ATG2B: variants seen among roughly 807,000 people sequenced by gnomAD.
ATG2B encodes autophagy related 2B, also known as autophagy-related protein 2 homolog B.
Under a neutral mutation model 241.3 loss-of-function variants are expected in ATG2B, and 121 were observed. The ratio of observed to expected loss-of-function variants is 0.50; its 90% CI spans 0.43 to 0.58. The LOEUF (loss-of-function observed/expected upper bound fraction) is 0.58, where lower values mean the gene tolerates loss of function less well. Among genes scored for constraint, ATG2B ranks in the 20% least tolerant of loss-of-function variants. The probability of loss-of-function intolerance (pLI) is 0.00; values close to 1 mark genes in which losing one functional copy is unlikely to be tolerated. For missense variants in ATG2B, 2,306 were observed against 2,491.6 expected (o/e 0.93, Z 1.59); for synonymous variants, 858 against 876.6 (o/e 0.98, Z 0.37).
chr14:96,319,728 G>A (rs1887411136), intron 18 of ATG2B, among the ~76,000 whole-genome samples: 1 of 152,174 alleles, frequency 6.6e-6, no homozygotes, highest in Non-Finnish European at 1.5e-5. Flanking sequence ...TTGTATGTGG[G>A]AAATATGCAT....
At chr14:96,356,259 T>C (rs1296384593) in intron 1 of ATG2B, among the ~76,000 whole-genome samples, 1 of 152,136 alleles carries the variant, frequency 6.6e-6, no homozygotes, top group Non-Finnish European at 1.5e-5. Context: ...TACTATTTTA[T>C]ACCTACATTT....
At position 96,362,966 on chromosome 14, in the gene ATG2B, G is replaced by A; in HGVS notation, c.11C>T (p.Pro4Leu). 6.2e-7 allele frequency: 1 copy of A among 1,613,442 alleles called. No individual in the cohort carries two copies. The highest frequency in any genetic ancestry group is 8.5e-7 in the Non-Finnish European group (1 of 1,179,896). The change falls in exon 1 of 42, where the codon CCG (proline) becomes CTG (leucine). Residue 4 changes from proline to leucine, a missense_variant. This residue lies in a region of ATG2B where 1,927 missense variants were observed against 2,011.2 expected (regional missense o/e 0.96). Transcript: ENST00000359933. MPW[P>L]FSESIKKRAC... Reference sequence around the variant, plus strand: ...CCTCTTCTTGATGGACTCCGAAAACGGCCAAGGCATAGTGACTGCTGGCAG... The same window carrying A: ...CCTCTTCTTGATGGACTCCGAAAACAGCCAAGGCATAGTGACTGCTGGCAG...
At chr14:96,319,393 C>T (rs1404356269) in intron 18 of ATG2B, among the ~76,000 whole-genome samples, 1 of 152,088 alleles carries the variant, frequency 6.6e-6, no homozygotes, top group Non-Finnish European at 1.5e-5. Context: ...AATAGATGCT[C>T]AGTACATATT....
intron 31 of ATG2B, among the ~76,000 whole-genome samples, chr14:96,305,108 C>T (rs1447281659): frequency 6.6e-6 from 1 of 152,132 alleles, no homozygotes; most frequent in Non-Finnish European, 1.5e-5. Flanking sequence ...GAAGTCTGCC[C>T]CCTACAGGGA....
At position 96,341,516 on chromosome 14, in the gene ATG2B, A is replaced by G; in HGVS notation, c.924+6T>C. 4 of 1,564,208 alleles carry G rather than the reference A, an allele frequency of 2.6e-6. No individual in the cohort carries two copies. Among genetic ancestry groups the G allele is most frequent in the Non-Finnish European group, 1.7e-6 (2 of 1,155,482 alleles). Reference sequence around the variant, plus strand: ...TTTTACTACAGAAAGTGAAACAAACACTGACCTTAGCTCCAGGAAGCACTT... The same window carrying G: ...TTTTACTACAGAAAGTGAAACAAACGCTGACCTTAGCTCCAGGAAGCACTT... On this transcript the variant is annotated splice_donor_region_variant and intron_variant, in intron 6 of 41. Transcript: ENST00000359933.
Position 96,302,019 on chromosome 14 carries a change from G to C in ATG2B, c.5127C>G (p.Leu1709=), listed in dbSNP as rs1035826204. Residue 1709 remains leucine (L), a synonymous_variant, in exon 34 of 42, where the codon CTC becomes CTG. Coordinates refer to ENST00000359933, the MANE Select transcript of ATG2B (RefSeq NM_018036.7). ...CLRVSLMPLR[L]NIDQDALFFL... ...TCATGCTACAAACCTGGTCAATATT[G>C]AGGCGGAGCGGCATCAGCGACACTC... 1.9e-6 allele frequency: 3 copies of C among 1,613,646 alleles called. No homozygotes were observed. Among genetic ancestry groups the C allele is most frequent in the Non-Finnish European group, 2.5e-6 (3 of 1,179,716 alleles).
intron 31 of ATG2B, among the ~76,000 whole-genome samples, chr14:96,304,931 C>T (rs1475148081): frequency 6.6e-6 from 1 of 152,064 alleles, no homozygotes; most frequent in Non-Finnish European, 1.5e-5. Flanking sequence ...CTTTGGAAAC[C>T]CTTTATAGTC....
At chr14:96,291,312 A>C (rs1022558025) in intron 38 of ATG2B, among the ~76,000 whole-genome samples, 2 of 152,204 alleles carry the variant, frequency 1.3e-5, no homozygotes, top group African/African-American at 4.8e-5. Context: ...AGTAATTGCT[A>C]CTAAGAACTT....
chr14:96,311,213 C>G lies in ATG2B; in HGVS notation c.4065G>C (p.Ala1355=). The change falls in exon 28 of 42, where the codon GCG becomes GCC. Residue 1355 remains alanine (A), a synonymous_variant. Coordinates refer to ENST00000359933, the MANE Select transcript of ATG2B (RefSeq NM_018036.7). ...CAATGTACTGAATGAGATTCATTAA[C>G]GCAGCACAAGAGTCTGAGCACGTTC... ...HIRTCSDSCA[A]LMNLIQYIAS... 1 of 1,613,958 alleles carries G rather than the reference C, an allele frequency of 6.2e-7. No individual in the cohort carries two copies. Among genetic ancestry groups the G allele is most frequent in the Non-Finnish European group, 8.5e-7 (1 of 1,179,912 alleles).
At position 96,310,508 on chromosome 14, in the gene ATG2B, G is replaced by A. The variant is rs375546637; in HGVS notation, c.4161+609C>T. On this transcript the variant is annotated intron_variant, in intron 28 of 41. Coordinates refer to ENST00000359933, the MANE Select transcript of ATG2B (RefSeq NM_018036.7). ...ATTTGGACATAAGAGAAGTTAGAAAGGTGACACTTGGGGCAGAAAAGTGCA... is the reference window on the plus strand; with the variant it reads ...ATTTGGACATAAGAGAAGTTAGAAAAGTGACACTTGGGGCAGAAAAGTGCA... Among the ~76,000 whole-genome samples, 7 of 152,298 alleles carry A rather than the reference G, an allele frequency of 4.6e-5. No homozygotes were observed. In the South Asian group the frequency reaches 1.0e-3, roughly 23 times the overall value.
chr14:96,360,933 C>CA (rs35630598), intron 1 of ATG2B, among the ~76,000 whole-genome samples: 1,305 of 73,710 alleles, frequency 0.018, 70 homozygotes, highest in African/African-American at 0.062. Context: ...AATCCTCTAC[C>CA]AAAAAAAAAA....
Position 96,325,868 on chromosome 14 carries a change from G to C in ATG2B, c.2218C>G (p.Arg740Gly). Residue 740 changes from arginine to glycine, a missense_variant, in exon 15 of 42, where the codon CGG (arginine) becomes GGG (glycine). By Grantham distance (125) the Arg-to-Gly change is moderately radical. Around this residue, in one of 2 missense-constraint regions of ATG2B, gnomAD observed 1,927 missense variants for 2,011.2 expected, o/e 0.96. Coordinates refer to ENST00000359933, the MANE Select transcript of ATG2B (RefSeq NM_018036.7). ...LDDSHSPANCRISVQVATPAL... is the reference protein window; with the variant it reads ...LDDSHSPANCGISVQVATPAL... ...GGTGTGGCAACTTGTACTGATATCC[G>C]ACAATTTGCAGGACTATGTGAATCA... 3 of 1,613,892 alleles carry C rather than the reference G, an allele frequency of 1.9e-6. No individual in the cohort carries two copies. The highest frequency in any genetic ancestry group is 1.7e-6 in the Non-Finnish European group (2 of 1,179,924).
At chr14:96,304,420 C>T (rs1446693424) in intron 32 of ATG2B, 75 bp downstream of exon 32, 93 of 1,087,392 alleles carry the variant, frequency 8.6e-5, no homozygotes, top group Non-Finnish European at 1.2e-4. Context: ...CTCAAGACTA[C>T]GTGGTGGGGG....
In ATG2B at chr14:96,345,379, C is replaced by T. The variant is rs1283200199; in HGVS notation, c.332G>A (p.Gly111Asp). ...VFRPRPRPATGSEPMYWSSFM... is the reference protein window; with the variant it reads ...VFRPRPRPATDSEPMYWSSFM... ...ACTTGACCAATACATAGGCTCAGAA[C>T]CAGTTGCTGTGGAAAATATAAATTA... Residue 111 changes from glycine (G) to aspartate (D), a missense_variant, in exon 3 of 42, where the codon GGT becomes GAT. This residue lies in a region of ATG2B where 1,927 missense variants were observed against 2,011.2 expected (regional missense o/e 0.96). Transcript: ENST00000359933. 1 of 1,593,816 alleles carries T rather than the reference C, an allele frequency of 6.3e-7. No homozygotes were observed. Among genetic ancestry groups the T allele is most frequent in the African/African-American group, 1.4e-5 (1 of 73,486 alleles).
intron 1 of ATG2B, among the ~76,000 whole-genome samples, chr14:96,358,170 C>G (rs1194029901): frequency 6.6e-6 from 1 of 152,146 alleles, no homozygotes; most frequent in African/African-American, 2.4e-5. Context: ...TACGGTGGCT[C>G]ATGCCTGTAA....
intron 34 of ATG2B, among the ~76,000 whole-genome samples, chr14:96,296,981 T>G (rs1400749540): frequency 2.6e-5 from 4 of 152,112 alleles, no homozygotes; most frequent in Admixed American, 6.5e-5. Flanking sequence ...AGCAATGGAC[T>G]GCAGCACAAG....
Position 96,289,929 on chromosome 14 carries a change from CT to C in ATG2B, c.5857-125del. On this transcript the variant is annotated intron_variant, in intron 40 of 41. Coordinates refer to ENST00000359933, the MANE Select transcript of ATG2B (RefSeq NM_018036.7). This position sits in a 1 kb window ranked among gnomAD's most constrained non-coding sequence, Gnocchi z 4.3. ...GAACTCACAAACCCTAATGAAGACA[CT>C]TCTGCGTATCTGAATTCTTTACCAC... The C allele has an allele frequency of 2.1e-6, 2 of 972,194 alleles. No individual in the cohort carries two copies. The highest frequency in any genetic ancestry group is 3.0e-6 in the Non-Finnish European group (2 of 670,578). The allele number at this position is 972,194 out of a possible 1,614,324, so 60.2% of individuals were successfully genotyped here.
At chr14:96,309,963 T>TA (rs1337282904) in intron 28 of ATG2B, among the ~76,000 whole-genome samples, 1 of 152,170 alleles carries the variant, frequency 6.6e-6, no homozygotes, top group Admixed American at 6.5e-5. Context: ...CCCTTTGACA[T>TA]AAAGCCCCTG....
In ATG2B at chr14:96,291,692, TAA is replaced by T; in HGVS notation, c.5497-12_5497-11del. 6.3e-7 allele frequency: 1 copy of T among 1,590,092 alleles called. No individual in the cohort carries two copies. ...TCCCAGCTAGCGTACCCTTCAAAAT[TAA>T]AAAAGGCCAAATTAACCTTACTGTA... On this transcript the variant is annotated splice_polypyrimidine_tract_variant and intron_variant, in intron 37 of 41. Coordinates refer to ENST00000359933, the MANE Select transcript of ATG2B (RefSeq NM_018036.7).
Sources: allele counts gnomAD v4.1 joint callset (sites outside exome capture counted in the v4.1 genomes callset), GRCh38; gene constraint gnomAD v4.1.1; regional missense constraint gnomAD v4.1.1; non-coding constraint Gnocchi (gnomAD v3.1); transcripts MANE v1.5; gene names NCBI Gene and HGNC (gene_info 2026-07-23, HGNC 2026-07-21).